Variants in EIF4G3 observed in about 807,000 individuals in gnomAD.
EIF4G3 encodes the protein eukaryotic translation initiation factor 4 gamma 3.
EIF4G3 carries 34 observed loss-of-function variants against 186.4 expected under a neutral mutation model. The observed-to-expected ratio is 0.18, with a 90% CI of 0.14 to 0.24. The LOEUF is 0.24. Ranked by LOEUF, EIF4G3 falls within the 10% of genes least tolerant of loss-of-function variation. The pLI is 1.00. For synonymous variants in EIF4G3, 673 were observed against 679.5 expected, an observed-to-expected ratio of 0.99 and a Z score of 0.15; for missense variants, 1,536 against 1,948.5, an observed-to-expected ratio of 0.79 and a Z score of 3.99.
intron 6 of EIF4G3, chr1:20,999,228 C>A: frequency 4.1e-6 from 1 of 243,632 alleles, no homozygotes; most frequent in African/African-American, 2.3e-5. Flanking sequence ...CTTGGCTAAT[C>A]AATATAATAT....
At chr1:21,087,157 A>G (rs2096012251) in intron 3 of EIF4G3, among the ~76,000 whole-genome samples, 1 of 152,156 alleles carries the variant, frequency 6.6e-6, no homozygotes, top group Non-Finnish European at 1.5e-5. Context: ...TCAGTAGACT[A>G]TGAGTCCTTT....
Position 20,849,467 on chromosome 1 carries a change from TC to T in EIF4G3, c.3835del (p.Glu1279ArgfsTer27). 1 of 1,568,270 alleles carries T rather than the reference TC, an allele frequency of 6.4e-7. No homozygotes were observed. The highest frequency in any genetic ancestry group is 2.4e-5 in the East Asian group (1 of 42,334). ...ATCAATGATAGATTTCGACTTCCTCTCCAGTTCCTCTTCTGATAATGCAGCC... is the reference window on the plus strand; with the variant it reads ...ATCAATGATAGATTTCGACTTCCTCTCAGTTCCTCTTCTGATAATGCAGCC... The part of the protein sequence containing the change: ...DKAALSEEEL[E>X]RKSKSIIDEF... On this transcript the variant is annotated frameshift_variant, in exon 29 of 37. Coordinates refer to ENST00000602326, the MANE Select transcript of EIF4G3 (RefSeq NM_001391906.1). LOFTEE classifies it high-confidence loss of function.
chr1:21,107,130 A>G (rs1376210382), intron 2 of EIF4G3, among the ~76,000 whole-genome samples: 1 of 152,206 alleles, frequency 6.6e-6, no homozygotes, highest in East Asian at 1.9e-4. Context: ...AAAGCTCAAT[A>G]AATGTTACTA....
At chr1:21,173,432 A>G (rs1290909691) in intron 2 of EIF4G3, among the ~76,000 whole-genome samples, 1 of 152,116 alleles carries the variant, frequency 6.6e-6, no homozygotes, top group East Asian at 1.9e-4. Flanking sequence ...AATGCCTGTA[A>G]TCCCAGCACT....
chr1:20,978,677 CAAAAAAAAAAA>C (rs10603153), intron 10 of EIF4G3, among the ~76,000 whole-genome samples: 1 of 106,320 alleles, frequency 9.4e-6, no homozygotes, highest in African/African-American at 3.7e-5. Flanking sequence ...TTTATCAGAT[CAAAAAAAAAAA>C]AAAAAAAACC....
intron 14 of EIF4G3, among the ~76,000 whole-genome samples, chr1:20,931,463 G>C (rs1330608111): frequency 6.6e-6 from 1 of 152,110 alleles, no homozygotes; most frequent in Non-Finnish European, 1.5e-5. Flanking sequence ...ATAGAGCATA[G>C]GAAGAATAGA....
intron 10 of EIF4G3, among the ~76,000 whole-genome samples, chr1:20,979,085 C>G (rs1437533013): frequency 2.6e-5 from 4 of 152,072 alleles, no homozygotes; most frequent in African/African-American, 9.7e-5. Flanking sequence ...TACTGAATCT[C>G]AAAACTTAAT....
At chr1:21,148,498 C>T (rs985020330) in intron 2 of EIF4G3, among the ~76,000 whole-genome samples, 2 of 151,918 alleles carry the variant, frequency 1.3e-5, no homozygotes, top group African/African-American at 4.8e-5. Context: ...GTCAGGAGAT[C>T]GAGACCATCC....
intron 16 of EIF4G3, among the ~76,000 whole-genome samples, chr1:20,898,147 A>G (rs1290945060): frequency 6.6e-6 from 1 of 152,060 alleles, no homozygotes; most frequent in Non-Finnish European, 1.5e-5. Context: ...AAGTTTTATG[A>G]TAGCATAAAT....
At chr1:21,144,057 T>C (rs2097391677) in intron 2 of EIF4G3, among the ~76,000 whole-genome samples, 1 of 152,134 alleles carries the variant, frequency 6.6e-6, no homozygotes, top group Non-Finnish European at 1.5e-5. Context: ...AGAAAGCAAA[T>C]AACTAAATGA....
At chr1:20,964,644 C>G (rs1292731526) in intron 12 of EIF4G3, among the ~76,000 whole-genome samples, 1 of 152,194 alleles carries the variant, frequency 6.6e-6, no homozygotes, top group Non-Finnish European at 1.5e-5. Flanking sequence ...ATAATTGCTC[C>G]CTCGGCATCC....
chr1:20,909,958 T>C (rs1343628668), intron 14 of EIF4G3, among the ~76,000 whole-genome samples: 1 of 151,980 alleles, frequency 6.6e-6, no homozygotes. Context: ...ATTTTTTTAA[T>C]GTTTTGTAGA....
At chr1:21,069,456 A>T (rs1445116210) in intron 3 of EIF4G3, among the ~76,000 whole-genome samples, 1 of 152,210 alleles carries the variant, frequency 6.6e-6, no homozygotes, top group Non-Finnish European at 1.5e-5. Context: ...GACAAGGATC[A>T]TAGTGTCCAC....
intron 14 of EIF4G3, chr1:20,941,159 C>T (rs1201142385): frequency 2.8e-6 from 4 of 1,434,500 alleles, no homozygotes; most frequent in African/African-American, 2.9e-5. Flanking sequence ...TGTTTTCTAG[C>T]CCCAAAGCAG....
At chr1:21,038,501 T>C (rs2093371331) in intron 4 of EIF4G3, among the ~76,000 whole-genome samples, 1 of 152,232 alleles carries the variant, frequency 6.6e-6, no homozygotes. Flanking sequence ...ACATAGTCTC[T>C]GGTTTCCTGT....
At chr1:20,814,235 G>A (rs1281605140) in intron 34 of EIF4G3, among the ~76,000 whole-genome samples, 1 of 151,900 alleles carries the variant, frequency 6.6e-6, no homozygotes, top group Non-Finnish European at 1.5e-5. Context: ...CAAAGTGCTG[G>A]GATTACAGGC....
chr1:21,006,753 T>A (rs1241650551), intron 4 of EIF4G3, among the ~76,000 whole-genome samples: 2 of 152,156 alleles, frequency 1.3e-5, no homozygotes, highest in South Asian at 4.1e-4. Flanking sequence ...AATTCCATTA[T>A]AAGACAAAAC....
At chr1:21,127,497 T>C (rs1459505416) in intron 2 of EIF4G3, among the ~76,000 whole-genome samples, 2 of 152,240 alleles carry the variant, frequency 1.3e-5, no homozygotes, top group Middle Eastern at 3.2e-3. Flanking sequence ...TTTTTATTCA[T>C]TGCTATATCC....
chr1:21,176,750 C>T lies in EIF4G3; in HGVS notation c.-484G>A. On this transcript the variant is annotated 5_prime_UTR_variant, in exon 1 of 37. Transcript: ENST00000602326. ...TCACGGCAATATCCTCATGGGCCGG[C>T]GGCGGGGGATCTTTATCCCCCTCCC... The T allele has an allele frequency of 1.4e-6, 1 of 697,886 alleles. No homozygotes were observed. The highest frequency in any genetic ancestry group is 2.6e-6 in the Non-Finnish European group (1 of 382,978). The allele number at this position is 697,886 out of a possible 1,614,324, so 43.2% of individuals were successfully genotyped here.
Sources: gnomAD v4.1 joint callset for allele counts (sites outside exome capture counted in the v4.1 genomes callset) on GRCh38, gnomAD v4.1.1 for gene constraint, MANE v1.5 for transcripts, NCBI Gene and HGNC (gene_info 2026-07-23, HGNC 2026-07-21) for gene names.